The following ROBO2 variants were observed in gnomAD, a reference collection of about 807,000 sequenced individuals.
ROBO2 encodes roundabout homolog 2.
ROBO2 carries 53 observed loss-of-function variants against 160.8 expected under a neutral mutation model. That is an observed-to-expected ratio of 0.33 (90% CI 0.26 to 0.41). ROBO2 has a LOEUF of 0.41. ROBO2 is among the 10% of genes least tolerant of loss of function. ROBO2 has a pLI of 1.00. For synonymous variants in ROBO2, 664 were observed against 611.7 expected, an observed-to-expected ratio of 1.09 and a Z score of -1.26; for missense variants, 1,577 against 1,722.4, an observed-to-expected ratio of 0.92 and a Z score of 1.49.
At chr3:76,461,711 A>T (rs977425589) in intron 2 of ROBO2, among the ~76,000 whole-genome samples, 1 of 152,078 alleles carries the variant, frequency 6.6e-6, no homozygotes, top group Non-Finnish European at 1.5e-5. Flanking sequence ...GAAATGTATC[A>T]CCTATACTTT....
chr3:76,955,453 A>G (rs2079187579), intron 2 of ROBO2, among the ~76,000 whole-genome samples: 1 of 152,178 alleles, frequency 6.6e-6, no homozygotes, highest in Non-Finnish European at 1.5e-5. Context: ...TTTCCACGGT[A>G]ACTATACCAT....
intron 2 of ROBO2, among the ~76,000 whole-genome samples, chr3:76,582,739 C>A (rs574563963): frequency 1.3e-5 from 2 of 152,042 alleles, no homozygotes; most frequent in Admixed American, 6.5e-5. Flanking sequence ...TGGTTAGAGT[C>A]ACATTTAAGG....
chr3:77,437,302 C>T (rs1443194503), intron 2 of ROBO2, among the ~76,000 whole-genome samples: 1 of 151,920 alleles, frequency 6.6e-6, no homozygotes, highest in East Asian at 1.9e-4. Context: ...ATAGTTCTTA[C>T]ACTATTTTAA....
intron 2 of ROBO2, among the ~76,000 whole-genome samples, chr3:76,470,648 G>T (rs764743611): frequency 6.6e-6 from 1 of 152,070 alleles, no homozygotes; most frequent in South Asian, 2.1e-4. Context: ...GCCTTAAAAG[G>T]AACATATTAT....
rs538829105 is a variant in ROBO2 at position 77,516,724 on chromosome 3, A to C, written c.807-6051A>C. On this transcript the variant is annotated intron_variant, in intron 5 of 25. Coordinates refer to ENST00000461745, the Ensembl canonical transcript of ROBO2. ...AAATATTCCAAGTTCTTACATTTTC[A>C]GTATCATATCAATATGAATTTAAGT... Among the ~76,000 whole-genome samples, 18 of 151,782 alleles carry C rather than the reference A, an allele frequency of 1.2e-4. No homozygotes were observed. The South Asian group carries it at 3.7e-3, about 31-fold the overall frequency.
At chr3:76,723,488 G>A (rs1423608035) in intron 2 of ROBO2, among the ~76,000 whole-genome samples, 1 of 152,052 alleles carries the variant, frequency 6.6e-6, no homozygotes, top group African/African-American at 2.4e-5. Context: ...TTTGTGCAGA[G>A]GCAACACAGT....
chr3:76,416,657 C>T (rs999024100), intron 2 of ROBO2, among the ~76,000 whole-genome samples: 2 of 151,890 alleles, frequency 1.3e-5, no homozygotes, highest in Non-Finnish European at 2.9e-5. Flanking sequence ...TTTAATGTAC[C>T]GATTTATAGG....
chr3:76,621,605 T>A (rs1336065030), intron 2 of ROBO2, among the ~76,000 whole-genome samples: 1 of 152,210 alleles, frequency 6.6e-6, no homozygotes, highest in East Asian at 1.9e-4. Flanking sequence ...CCTGAGTTCC[T>A]CATCTGTAAA....
At chr3:76,921,711 T>C (rs1429706547) in intron 2 of ROBO2, among the ~76,000 whole-genome samples, 1 of 152,152 alleles carries the variant, frequency 6.6e-6, no homozygotes, top group African/African-American at 2.4e-5. Context: ...CTTTTTTTGG[T>C]GAAGCACCAT....
chr3:77,215,118 T>A (rs1265480113), intron 2 of ROBO2, among the ~76,000 whole-genome samples: 13 of 152,228 alleles, frequency 8.5e-5, no homozygotes, highest in Non-Finnish European at 1.9e-4. Context: ...TGAATTTGAA[T>A]GTTGGCCTGC....
At chr3:76,355,875 G>A (rs2075132435) in intron 2 of ROBO2, among the ~76,000 whole-genome samples, 1 of 151,630 alleles carries the variant, frequency 6.6e-6, no homozygotes, top group Non-Finnish European at 1.5e-5. Flanking sequence ...ATCTATTAAA[G>A]CTACAACAAA....
chr3:77,167,397 T>C, intron 2 of ROBO2, among the ~76,000 whole-genome samples: 1 of 152,222 alleles, frequency 6.6e-6, no homozygotes, highest in East Asian at 1.9e-4. Flanking sequence ...TAATTTAGAC[T>C]TCCAAGTTGT....
chr3:76,403,697 G>A (rs983966720), intron 2 of ROBO2, among the ~76,000 whole-genome samples: 1 of 151,574 alleles, frequency 6.6e-6, no homozygotes, highest in Non-Finnish European at 1.5e-5. Context: ...ACTGAACACA[G>A]CACAGCCATT....
At chr3:76,444,462 T>C (rs1347705498) in intron 2 of ROBO2, among the ~76,000 whole-genome samples, 1 of 152,170 alleles carries the variant, frequency 6.6e-6, no homozygotes, top group Non-Finnish European at 1.5e-5. Flanking sequence ...GAAAGAGGTT[T>C]AATTGGCTTA....
chr3:77,226,730 C>A (rs1372462254), intron 2 of ROBO2, among the ~76,000 whole-genome samples: 2 of 152,120 alleles, frequency 1.3e-5, no homozygotes, highest in East Asian at 3.9e-4. Context: ...ATGCTCAGAA[C>A]ACTTCCATTA....
At chr3:77,013,819 G>T (rs996378827) in intron 2 of ROBO2, among the ~76,000 whole-genome samples, 1 of 152,226 alleles carries the variant, frequency 6.6e-6, no homozygotes, top group African/African-American at 2.4e-5. Context: ...ACCTACAACA[G>T]TTCCTATCAG....
chr3:77,530,164 G>GA (rs1340808900), intron 6 of ROBO2, among the ~76,000 whole-genome samples: 1 of 151,754 alleles, frequency 6.6e-6, no homozygotes, highest in East Asian at 1.9e-4. Context: ...AGAAAGGGGA[G>GA]AAAAAAACAG....
chr3:77,357,787 G>A (rs1336952856), intron 2 of ROBO2, among the ~76,000 whole-genome samples: 1 of 152,150 alleles, frequency 6.6e-6, no homozygotes, highest in Admixed American at 6.6e-5. Context: ...AATCAGTTGG[G>A]TTATTAGGAA....
At chr3:76,253,293 G>T (rs911377722) in intron 2 of ROBO2, among the ~76,000 whole-genome samples, 2 of 151,696 alleles carry the variant, frequency 1.3e-5, no homozygotes, top group Non-Finnish European at 2.9e-5. Context: ...ATTTACTTTT[G>T]AGACAGGGTT....
Sources: allele counts gnomAD v4.1 joint callset (sites outside exome capture counted in the v4.1 genomes callset), GRCh38; gene constraint gnomAD v4.1.1; transcripts MANE v1.5; gene names NCBI Gene and HGNC (gene_info 2026-07-23, HGNC 2026-07-21).